EXOC4: variants seen among roughly 807,000 people sequenced by gnomAD.
The protein encoded by EXOC4 is exocyst complex component 4.
Under a neutral mutation model 107.2 loss-of-function variants are expected in EXOC4, and 71 were observed. That is an observed-to-expected ratio of 0.66 (90% confidence interval 0.55 to 0.81). The LOEUF is 0.81. EXOC4 is among the 30% of genes least tolerant of loss of function. EXOC4 has a pLI of 0.00. For synonymous variants in EXOC4, 456 were observed against 441.2 expected (o/e 1.03, Z -0.42); for missense variants, 1,108 against 1,189.6 (o/e 0.93, Z 1.01).
At chr7:133,607,569 T>C (rs1490576520) in intron 9 of EXOC4, among the ~76,000 whole-genome samples, 1 of 152,142 alleles carries the variant, frequency 6.6e-6, no homozygotes, top group Non-Finnish European at 1.5e-5. Context: ...AAATAAATAA[T>C]TATAGGGCAA....
intron 7 of EXOC4, among the ~76,000 whole-genome samples, chr7:133,434,703 G>A (rs542698129): frequency 1.9e-4 from 29 of 152,280 alleles, no homozygotes; most frequent in Non-Finnish European, 3.2e-4. Context: ...CTTTGAGCTT[G>A]TTTAACCAAT....
intron 5 of EXOC4, among the ~76,000 whole-genome samples, chr7:133,354,463 A>G (rs543842127): frequency 2.0e-5 from 3 of 152,198 alleles, no homozygotes; most frequent in Admixed American, 6.5e-5. Flanking sequence ...CAATACATGC[A>G]TTTGTTTTTG....
At chr7:133,391,782 G>A (rs2150717383) in intron 7 of EXOC4, among the ~76,000 whole-genome samples, 1 of 152,244 alleles carries the variant, frequency 6.6e-6, no homozygotes, top group South Asian at 2.1e-4. Flanking sequence ...ATTAAGCAAG[G>A]ACTTATTTAT....
At chr7:134,083,630 C>T in the EXOC4 span, among the ~76,000 whole-genome samples, 6 of 152,172 alleles carry the variant, frequency 3.9e-5, no homozygotes, top group East Asian at 1.2e-3. Flanking sequence ...TCTCAGAGCC[C>T]CTCCATGTGA....
chr7:133,925,314 C>T (rs536652640), intron 13 of EXOC4, among the ~76,000 whole-genome samples: 2 of 152,234 alleles, frequency 1.3e-5, no homozygotes, highest in Admixed American at 6.5e-5. Flanking sequence ...AAATAGGTCA[C>T]GCAAGGGCTT....
At chr7:133,678,620 T>G (rs1680066726) in intron 10 of EXOC4, among the ~76,000 whole-genome samples, 2 of 151,640 alleles carry the variant, frequency 1.3e-5, no homozygotes, top group Non-Finnish European at 2.9e-5. Context: ...TTTTTTTTTC[T>G]TCTTTGTTGA....
At chr7:133,819,273 A>G in intron 11 of EXOC4, among the ~76,000 whole-genome samples, 1 of 93,466 alleles carries the variant, frequency 1.1e-5, no homozygotes, top group East Asian at 3.3e-4. Flanking sequence ...ATCTAAATGG[A>G]ATACTTTTTT....
chr7:133,454,794 C>CT (rs1202887427), intron 7 of EXOC4, among the ~76,000 whole-genome samples: 1 of 152,150 alleles, frequency 6.6e-6, no homozygotes. Context: ...CAGAACCACT[C>CT]TATATACTAT....
intron 17 of EXOC4, among the ~76,000 whole-genome samples, chr7:134,015,488 A>G (rs2116389349): frequency 6.6e-6 from 1 of 152,294 alleles, no homozygotes; most frequent in African/African-American, 2.4e-5. Flanking sequence ...TCAGATTTAT[A>G]TTCTAAGTAC....
At chr7:133,279,692 A>AT (rs1306170210) in intron 2 of EXOC4, among the ~76,000 whole-genome samples, 3 of 151,696 alleles carry the variant, frequency 2.0e-5, no homozygotes, top group African/African-American at 4.8e-5. Flanking sequence ...CTAATATTTG[A>AT]TTTTTTTGCA....
intron 6 of EXOC4, among the ~76,000 whole-genome samples, chr7:133,357,852 A>C (rs1796055862): frequency 6.6e-6 from 1 of 152,176 alleles, no homozygotes; most frequent in African/African-American, 2.4e-5. Flanking sequence ...TGTTTGGTGA[A>C]TGGAACTACC....
chr7:133,474,513 A>C (rs545045234), intron 7 of EXOC4, among the ~76,000 whole-genome samples: 1 of 149,620 alleles, frequency 6.7e-6, no homozygotes, highest in Admixed American at 6.7e-5. Context: ...AGCTTTCACT[A>C]TGTTGGTCAG....
intron 7 of EXOC4, among the ~76,000 whole-genome samples, chr7:133,414,786 A>G (rs1187514292): frequency 6.6e-6 from 1 of 152,176 alleles, no homozygotes; most frequent in African/African-American, 2.4e-5. Context: ...TTGATACCAT[A>G]CAGTTTACCA....
At chr7:133,348,573 G>A (rs1783321217) in intron 5 of EXOC4, among the ~76,000 whole-genome samples, 1 of 152,138 alleles carries the variant, frequency 6.6e-6, no homozygotes, top group Admixed American at 6.5e-5. Flanking sequence ...AGAGCATTTT[G>A]TCTCACCTAA....
At chr7:133,985,424 G>A (rs1243735215) in intron 14 of EXOC4, among the ~76,000 whole-genome samples, 1 of 152,156 alleles carries the variant, frequency 6.6e-6, no homozygotes, top group Non-Finnish European at 1.5e-5. Context: ...AAGCCCAGCT[G>A]CTGAAATGGC....
chr7:133,898,244 TAAA>T (rs10567094), intron 12 of EXOC4, among the ~76,000 whole-genome samples: 4,518 of 152,008 alleles, frequency 0.03, 226 homozygotes, highest in African/African-American at 0.1. Flanking sequence ...AATGTCAACT[TAAA>T]AAGGGAAGGA....
rs934271849 is a variant in EXOC4 at position 133,955,693 on chromosome 7, G to C, written c.2206+17624G>C. On this transcript the variant is annotated intron_variant, in intron 14 of 17. Transcript: ENST00000253861. ...TGCTGCTGTTCATGGTGCCCAGGCT[G>C]TTTGTGCCAAGGGGCACCTACAGGC... 2.6e-5 allele frequency among the ~76,000 whole-genome samples: 4 copies of C among 152,218 alleles called. No homozygotes were observed. In the South Asian group the frequency reaches 8.3e-4, roughly 31 times the overall value.
chr7:133,751,621 G>A (rs1054022893), intron 10 of EXOC4, among the ~76,000 whole-genome samples: 3 of 152,018 alleles, frequency 2.0e-5, no homozygotes, highest in Non-Finnish European at 4.4e-5. Context: ...ATCTTGATTT[G>A]GGTGTTTGTT....
At chr7:133,793,082 A>G (rs1796739064) in intron 10 of EXOC4, among the ~76,000 whole-genome samples, 1 of 152,182 alleles carries the variant, frequency 6.6e-6, no homozygotes, top group African/African-American at 2.4e-5. Flanking sequence ...AAAATAAGCC[A>G]ATTACTAGAA....
Sources: allele counts gnomAD v4.1 joint callset (sites outside exome capture counted in the v4.1 genomes callset), GRCh38; gene constraint gnomAD v4.1.1; transcripts MANE v1.5; gene names NCBI Gene and HGNC (gene_info 2026-07-23, HGNC 2026-07-21).